Variants in ADAMTSL1 observed in about 807,000 individuals in gnomAD.
ADAMTSL1 encodes the protein ADAMTS-like protein 1.
A neutral mutation model predicts 201.8 loss-of-function variants in ADAMTSL1; 126 were observed. The ratio of observed to expected loss-of-function variants is 0.62; its 90% CI spans 0.54 to 0.72. The LOEUF (loss-of-function observed/expected upper bound fraction) is 0.72. ADAMTSL1 is among the 30% of genes least tolerant of loss of function. The probability of loss-of-function intolerance (pLI) is 0.00; values close to 1 mark genes in which losing one functional copy is unlikely to be tolerated. For synonymous variants in ADAMTSL1, 1,121 were observed against 903.4 expected, an observed-to-expected ratio of 1.24 and a Z score of -4.32; for missense variants, 2,679 against 2,277.8, an observed-to-expected ratio of 1.18 and a Z score of -3.59.
intron 2 of ADAMTSL1, among the ~76,000 whole-genome samples, chr9:18,353,288 G>C (rs948457950): frequency 1.3e-5 from 2 of 152,228 alleles, no homozygotes; most frequent in Non-Finnish European, 2.9e-5. Flanking sequence ...CTATGCACTA[G>C]ACAGGGTTTT....
intron 4 of ADAMTSL1, among the ~76,000 whole-genome samples, chr9:18,615,046 A>G (rs1462036556): frequency 2.6e-5 from 4 of 152,240 alleles, no homozygotes; most frequent in African/African-American, 4.8e-5. Flanking sequence ...GCTTATTTGT[A>G]TAATGAGATG....
intron 1 of ADAMTSL1, among the ~76,000 whole-genome samples, chr9:18,022,936 C>T (rs995757743): frequency 5.9e-5 from 9 of 152,094 alleles, no homozygotes; most frequent in Non-Finnish European, 1.2e-4. Context: ...GGCCTCCCAT[C>T]CTTCTCCACC....
chr9:18,144,583 G>T (rs922682215), intron 1 of ADAMTSL1, among the ~76,000 whole-genome samples: 1 of 152,020 alleles, frequency 6.6e-6, no homozygotes, highest in Non-Finnish European at 1.5e-5. Flanking sequence ...CTATTTCAGT[G>T]CCCCTTACAT....
intron 17 of ADAMTSL1, among the ~76,000 whole-genome samples, chr9:18,772,199 A>C (rs1820730667): frequency 6.6e-6 from 1 of 152,212 alleles, no homozygotes; most frequent in African/African-American, 2.4e-5. Flanking sequence ...GCTCTAGGTG[A>C]AAACATTCTC....
intron 2 of ADAMTSL1, among the ~76,000 whole-genome samples, chr9:18,515,530 T>A (rs1818317241): frequency 6.6e-6 from 1 of 152,168 alleles, no homozygotes; most frequent in African/African-American, 2.4e-5. Context: ...AGACAGGGTT[T>A]CACTATGTTG....
intron 7 of ADAMTSL1, chr9:18,651,387 C>G (rs1828242251): frequency 6.6e-6 from 1 of 152,160 alleles, no homozygotes; most frequent in Non-Finnish European, 1.5e-5. Flanking sequence ...GTTAAAGCAG[C>G]TAAGATATTT....
At chr9:17,994,685 G>C (rs565874118) in intron 1 of ADAMTSL1, among the ~76,000 whole-genome samples, 1 of 152,138 alleles carries the variant, frequency 6.6e-6, no homozygotes, top group Non-Finnish European at 1.5e-5. Flanking sequence ...ATGCTGTCAG[G>C]TCAGTGGTAA....
intron 2 of ADAMTSL1, among the ~76,000 whole-genome samples, chr9:18,345,366 A>C (rs1835668296): frequency 6.6e-6 from 1 of 152,180 alleles, no homozygotes; most frequent in African/African-American, 2.4e-5. Flanking sequence ...TTCTAAGAAG[A>C]ACTAACATCA....
chr9:18,656,761 C>T (rs1486249654), intron 7 of ADAMTSL1, among the ~76,000 whole-genome samples: 2 of 151,930 alleles, frequency 1.3e-5, no homozygotes, highest in East Asian at 3.9e-4. Context: ...CTCAATTGTC[C>T]TTGGAACCTC....
At chr9:18,382,437 T>A (rs1414342227) in intron 2 of ADAMTSL1, among the ~76,000 whole-genome samples, 1 of 152,148 alleles carries the variant, frequency 6.6e-6, no homozygotes, top group Non-Finnish European at 1.5e-5. Flanking sequence ...AAAATGCATG[T>A]CTAAATATAG....
chr9:18,775,207 T>G (rs1820906264), intron 17 of ADAMTSL1, among the ~76,000 whole-genome samples: 1 of 152,246 alleles, frequency 6.6e-6, no homozygotes, highest in Non-Finnish European at 1.5e-5. Flanking sequence ...TAGGAACTAT[T>G]CTTGCACATC....
intron 2 of ADAMTSL1, among the ~76,000 whole-genome samples, chr9:18,198,137 C>T (rs1438443304): frequency 1.3e-5 from 2 of 152,076 alleles, no homozygotes; most frequent in African/African-American, 2.4e-5. Flanking sequence ...AAACGTTAGA[C>T]CTAAAACCAT....
At chr9:18,108,852 A>T (rs1824877706) in intron 1 of ADAMTSL1, among the ~76,000 whole-genome samples, 1 of 152,140 alleles carries the variant, frequency 6.6e-6, no homozygotes, top group South Asian at 2.1e-4. Flanking sequence ...AGTAAAAATC[A>T]TCAGAATACA....
intron 13 of ADAMTSL1, 123 bp from the exon 14 acceptor site, chr9:18,706,624 G>A: frequency 1.0e-6 from 1 of 962,450 alleles, no homozygotes; most frequent in Non-Finnish European, 1.5e-6. Flanking sequence ...GGGTGGAGGA[G>A]CCCTGAGTAC....
At chr9:18,521,262 G>A (rs917758606) in intron 2 of ADAMTSL1, among the ~76,000 whole-genome samples, 1 of 152,126 alleles carries the variant, frequency 6.6e-6, no homozygotes, top group African/African-American at 2.4e-5. Context: ...GCATGTGGCA[G>A]AGAGGAGGGG....
At chr9:18,391,944 C>A (rs549138008) in intron 2 of ADAMTSL1, among the ~76,000 whole-genome samples, 4 of 151,050 alleles carry the variant, frequency 2.6e-5, no homozygotes, top group Admixed American at 2.6e-4. Flanking sequence ...CCTGCCTCAG[C>A]CTCCCTAGTA....
chr9:18,227,460 G>C (rs374329193), intron 2 of ADAMTSL1, among the ~76,000 whole-genome samples: 1 of 152,012 alleles, frequency 6.6e-6, no homozygotes, highest in African/African-American at 2.4e-5. Context: ...ATAAACTCAC[G>C]GCAAGGTAGT....
At chr9:18,550,987 A>C (rs7041704) in intron 3 of ADAMTSL1, among the ~76,000 whole-genome samples, 3,722 of 152,030 alleles carry the variant, frequency 0.024, 161 homozygotes, top group African/African-American at 0.086. Flanking sequence ...TCAGTAACAG[A>C]CTAGAAATAT....
chr9:18,308,212 A>T (rs1174551779), intron 2 of ADAMTSL1, among the ~76,000 whole-genome samples: 1 of 152,192 alleles, frequency 6.6e-6, no homozygotes, highest in Non-Finnish European at 1.5e-5. Context: ...AGGGAAATTT[A>T]TAGCACTAAA....
Sources: allele counts gnomAD v4.1 joint callset (sites outside exome capture counted in the v4.1 genomes callset), GRCh38; gene constraint gnomAD v4.1.1; transcripts MANE v1.5; gene names NCBI Gene and HGNC (gene_info 2026-07-23, HGNC 2026-07-21).